Variants in ABCB7 observed in about 807,000 individuals in gnomAD.
ABCB7 encodes ATP binding cassette subfamily B member 7, also known as iron-sulfur clusters transporter ABCB7, mitochondrial.
In ABCB7, 7 loss-of-function variants were observed where a neutral mutation model predicts 54.4. The observed-to-expected ratio is 0.13, with a 90% CI of 0.07 to 0.24. ABCB7 has a LOEUF of 0.24. Ranked by LOEUF, ABCB7 falls within the 10% of genes least tolerant of loss-of-function variation. ABCB7 has a pLI of 1.00. For missense variants in ABCB7, 356 were observed against 570.4 expected, an observed-to-expected ratio of 0.62 and a Z score of 3.83; for synonymous variants, 218 against 207.1, an observed-to-expected ratio of 1.05 and a Z score of -0.45.
intron 1 of ABCB7, among the ~76,000 whole-genome samples, chrX:75,115,065 C>G (rs948938627): frequency 2.7e-5 from 3 of 109,175 alleles, no homozygotes; most frequent in East Asian, 2.9e-4. Context: ...GTCTGGAGAT[C>G]GAGACCATCC....
intron 1 of ABCB7, among the ~76,000 whole-genome samples, chrX:75,146,391 G>A (rs1439746363): frequency 1.8e-5 from 2 of 111,819 alleles, no homozygotes; most frequent in African/African-American, 6.5e-5. Context: ...AATGAAGCTG[G>A]AGGTATCACA....
intron 4 of ABCB7, among the ~76,000 whole-genome samples, chrX:75,097,031 C>A (rs1023461554): frequency 2.7e-5 from 3 of 111,488 alleles, no homozygotes; most frequent in Non-Finnish European, 5.7e-5. Flanking sequence ...TTGAATTCAT[C>A]TTTTACACAT....
At chrX:75,053,717 T>C (rs1316785927) in intron 15 of ABCB7, 132 bp from the exon 16 acceptor site, 2 of 1,026,409 alleles carry the variant, frequency 1.9e-6, no homozygotes, top group East Asian at 6.6e-5. Flanking sequence ...CAATTCCTCA[T>C]ACACAGTATA....
chrX:75,097,926 G>A (rs1404644540), intron 4 of ABCB7, among the ~76,000 whole-genome samples: 1 of 111,767 alleles, frequency 8.9e-6, no homozygotes, highest in Non-Finnish European at 1.9e-5. Context: ...AGGTTACAAG[G>A]TGGCAAAGCC....
chrX:75,074,840 G>A (rs899025727), intron 6 of ABCB7, among the ~76,000 whole-genome samples: 1 of 111,028 alleles, frequency 9.0e-6, no homozygotes, highest in Non-Finnish European at 1.9e-5. Flanking sequence ...CCTATTGAGG[G>A]TGGAGGGTGG....
At chrX:75,108,370 A>T (rs895416110) in intron 3 of ABCB7, among the ~76,000 whole-genome samples, 3 of 111,468 alleles carry the variant, frequency 2.7e-5, no homozygotes, top group African/African-American at 9.8e-5. Context: ...GGACTTACCA[A>T]ACATAGGCAG....
intron 1 of ABCB7, 49 bp from the exon 2 acceptor site, chrX:75,114,880 A>C: frequency 1.1e-6 from 1 of 949,022 alleles, no homozygotes; most frequent in Non-Finnish European, 1.5e-6. Context: ...TGGACACTTA[A>C]TATTCAAAGA....
In ABCB7 at chrX:75,053,344, C is replaced by CA. The variant is rs750002950; in HGVS notation, c.*25dup. ...AGTGCAAATATGTAGTCCAAAACAA[C>CA]AAAAAAAGAAAATGTCTTATGTGAC... is the stretch of plus-strand genomic sequence containing the variant. On this transcript the variant is annotated 3_prime_UTR_variant, in exon 16 of 16. Transcript: ENST00000373394. The CA allele has an allele frequency of 2.5e-6, 3 of 1,209,308 alleles. No individual in the cohort carries two copies. The highest frequency in any genetic ancestry group is 3.4e-6 in the Non-Finnish European group (3 of 894,734).
chrX:75,098,906 T>G, intron 4 of ABCB7, 36 bp downstream of exon 4: 1 of 1,209,246 alleles, frequency 8.3e-7, no homozygotes. Flanking sequence ...GTAGTATTTC[T>G]TAGTTAGAGC....
chrX:75,132,797 C>T (rs182111890), intron 1 of ABCB7, among the ~76,000 whole-genome samples: 1 of 112,435 alleles, frequency 8.9e-6, no homozygotes, highest in East Asian at 2.8e-4. Flanking sequence ...AATAAAGACC[C>T]TGCGGCAAGC....
At chrX:75,150,554 T>C (rs1358453593) in intron 1 of ABCB7, among the ~76,000 whole-genome samples, 1 of 111,456 alleles carries the variant, frequency 9.0e-6, no homozygotes, top group Non-Finnish European at 1.9e-5. Flanking sequence ...ATTATGTACA[T>C]GAAAGAACAG....
chrX:75,110,244 A>G (rs775148454), intron 3 of ABCB7, among the ~76,000 whole-genome samples: 1 of 112,193 alleles, frequency 8.9e-6, no homozygotes, highest in South Asian at 3.7e-4. Flanking sequence ...TTGGCCAGTC[A>G]ATGAATTTTC....
intron 9 of ABCB7, among the ~76,000 whole-genome samples, chrX:75,070,828 T>C (rs2081358021): frequency 9.0e-6 from 1 of 111,354 alleles, no homozygotes; most frequent in Non-Finnish European, 1.9e-5. Flanking sequence ...CAATGGTTTC[T>C]TTGTAGTGTA....
intron 10 of ABCB7, 85 bp downstream of exon 10, chrX:75,070,279 TG>T: frequency 1.0e-6 from 1 of 969,257 alleles, no homozygotes; most frequent in Non-Finnish European, 1.5e-6. Context: ...TTTGCTAATG[TG>T]GTGATGTAGG....
intron 1 of ABCB7, among the ~76,000 whole-genome samples, chrX:75,139,052 A>T (rs1381125115): frequency 9.3e-6 from 1 of 108,106 alleles, no homozygotes; most frequent in Non-Finnish European, 1.9e-5. Context: ...TGATACAGGG[A>T]TCTGAAACTA....
chrX:75,144,996 A>C, intron 1 of ABCB7, among the ~76,000 whole-genome samples: 1 of 110,683 alleles, frequency 9.0e-6, no homozygotes. Context: ...TCCCACAAGC[A>C]GGAGTGATCG....
Position 75,076,549 on chromosome X carries a change from T to C in ABCB7, c.559A>G (p.Thr187Ala), listed in dbSNP as rs747643499. 7 of 1,209,654 alleles carry C rather than the reference T, an allele frequency of 5.8e-6. No homozygotes were observed. Among genetic ancestry groups the C allele is most frequent in the African/African-American group, 3.5e-5 (2 of 57,262 alleles). Residue 187 changes from threonine to alanine, a missense_variant, in exon 5 of 16, where the codon ACC becomes GCC. By Grantham distance (58) the Thr-to-Ala change is moderately conservative. Around this residue, in one of 2 missense-constraint regions of ABCB7, gnomAD observed 241 missense variants for 470.9 expected, o/e 0.51. Coordinates refer to ENST00000373394, the MANE Select transcript of ABCB7 (RefSeq NM_001271696.3). ...CCAATCAGAACTGCTGTTGCCATGGTTGCAACTGTATTTGGTGCATCACTC... is the reference window on the plus strand; with the variant it reads ...CCAATCAGAACTGCTGTTGCCATGGCTGCAACTGTATTTGGTGCATCACTC... The part of the protein sequence containing the change: ...NLSDAPNTVA[T>A]MATAVLIGYG...
intron 6 of ABCB7, among the ~76,000 whole-genome samples, chrX:75,074,948 C>T (rs1339639599): frequency 9.0e-5 from 10 of 110,512 alleles, no homozygotes; most frequent in Non-Finnish European, 9.5e-5. Context: ...CATAATTTAC[C>T]CATGTAACAA....
intron 1 of ABCB7, among the ~76,000 whole-genome samples, chrX:75,125,849 C>T (rs2081921843): frequency 9.1e-6 from 1 of 110,415 alleles, no homozygotes; most frequent in East Asian, 2.8e-4. Flanking sequence ...TACCCAATCC[C>T]CCCCCAAAAA....
Sources: gnomAD v4.1 joint callset for allele counts (sites outside exome capture counted in the v4.1 genomes callset) on GRCh38, gnomAD v4.1.1 for gene constraint, gnomAD v4.1.1 regional missense constraint, MANE v1.5 for transcripts, NCBI Gene and HGNC (gene_info 2026-07-23, HGNC 2026-07-21) for gene names.